The following ACSF3 variants were observed in gnomAD, a reference collection of about 807,000 sequenced individuals.
ACSF3 encodes the protein malonate--CoA ligase ACSF3, mitochondrial.
Under a neutral mutation model 53.2 loss-of-function variants are expected in ACSF3, and 78 were observed. The ratio of observed to expected loss-of-function variants is 1.47; its 90% CI spans 1.22 to 1.77. ACSF3 has a LOEUF of 1.77. Ranked by LOEUF, ACSF3 falls within the 40% of genes most tolerant of loss-of-function variation. The pLI, the probability that ACSF3 is intolerant of heterozygous loss-of-function variation, is 0.00. For missense variants in ACSF3, 937 were observed against 771.1 expected (o/e 1.22, Z -2.55); for synonymous variants, 414 against 333.1 (o/e 1.24, Z -2.65).
intron 7 of ACSF3, among the ~76,000 whole-genome samples, chr16:89,131,494 T>C (rs1479133976): frequency 1.3e-5 from 2 of 152,204 alleles, no homozygotes; most frequent in East Asian, 3.8e-4. Flanking sequence ...TTTTTCTATA[T>C]GAGTTGCTAT....
At chr16:89,116,555 C>T (rs1440372645) in intron 6 of ACSF3, among the ~76,000 whole-genome samples, 1 of 152,278 alleles carries the variant, frequency 6.6e-6, no homozygotes, top group East Asian at 1.9e-4. Flanking sequence ...TTGGCTGGGG[C>T]ATCCTGAGCA....
At chr16:89,136,231 G>T (rs1043181941) in intron 8 of ACSF3, among the ~76,000 whole-genome samples, 6 of 152,242 alleles carry the variant, frequency 3.9e-5, no homozygotes, top group African/African-American at 1.4e-4. Context: ...GGAAACACTC[G>T]CAGTCGCCAG....
intron 10 of ACSF3, chr16:89,147,460 T>G (rs184576249): frequency 3.6e-5 from 2 of 54,932 alleles, no homozygotes; most frequent in Non-Finnish European, 6.6e-5. Flanking sequence ...GGTCACAGAG[T>G]GAGTGAGGGA....
At chr16:89,107,569 T>C (rs1440102065) in intron 4 of ACSF3, among the ~76,000 whole-genome samples, 1 of 152,256 alleles carries the variant, frequency 6.6e-6, no homozygotes, top group African/African-American at 2.4e-5. Context: ...TTTACGTTGC[T>C]GTGTTGTATT....
chr16:89,102,575 G>C (rs1199388899), intron 3 of ACSF3, 29 bp from the exon 4 acceptor site: 2 of 1,612,458 alleles, frequency 1.2e-6, no homozygotes, highest in African/African-American at 2.7e-5. Context: ...TCTTGCTCTT[G>C]CTCTCAGCTG....
intron 2 of ACSF3, among the ~76,000 whole-genome samples, chr16:89,099,289 G>T (rs1974985585): frequency 6.6e-6 from 1 of 152,248 alleles, no homozygotes; most frequent in Non-Finnish European, 1.5e-5. Flanking sequence ...CCCACAGGCG[G>T]AGGCACCCTG....
intron 8 of ACSF3, among the ~76,000 whole-genome samples, chr16:89,134,406 C>T (rs539402629): frequency 2.0e-5 from 3 of 152,240 alleles, no homozygotes; most frequent in East Asian, 1.9e-4. Flanking sequence ...TTAGGCCAGT[C>T]GGGAGTGGCA....
chr16:89,137,383 G>C (rs535849729), intron 8 of ACSF3, among the ~76,000 whole-genome samples: 2 of 147,830 alleles, frequency 1.4e-5, no homozygotes, highest in African/African-American at 5.0e-5. Flanking sequence ...GGATTGAGGG[G>C]AAGAGCCCCA....
intron 6 of ACSF3, among the ~76,000 whole-genome samples, chr16:89,117,997 AGCCCACAGCAGG>A (rs1905554997): frequency 1.9e-5 from 2 of 106,586 alleles, no homozygotes; most frequent in African/African-American, 3.7e-5. Flanking sequence ...TCTAAGGCAG[AGCCCACAGCAGG>A]TTCCCTCAGG....
intron 5 of ACSF3, 32 bp from the exon 6 acceptor site, chr16:89,114,307 G>T (rs1411028567): frequency 6.2e-7 from 1 of 1,613,238 alleles, no homozygotes; most frequent in African/African-American, 1.3e-5. Context: ...ACGTCCCAAG[G>T]GGCTAAACCT....
In ACSF3 at chr16:89,128,480, G is replaced by C. The variant is rs190651554; in HGVS notation, c.1240-4656G>C. Among the ~76,000 whole-genome samples the C allele has an allele frequency of 3.8e-3, 583 of 151,948 alleles. 2 individuals are homozygous for C. The highest frequency in any genetic ancestry group is 0.024 in the South Asian group (117 of 4,818). Reference sequence around the variant, plus strand: ...TCACCATGTTGGTCAGGCTGGTTTCGAACTCCTGACCTCAAGTGATCCACC... The same window carrying C: ...TCACCATGTTGGTCAGGCTGGTTTCCAACTCCTGACCTCAAGTGATCCACC... On this transcript the variant is annotated intron_variant, in intron 7 of 10. Coordinates refer to ENST00000614302, the MANE Select transcript of ACSF3 (RefSeq NM_001243279.3).
intron 6 of ACSF3, among the ~76,000 whole-genome samples, chr16:89,120,108 G>T (rs1441431852): frequency 6.6e-6 from 1 of 152,266 alleles, no homozygotes; most frequent in Non-Finnish European, 1.5e-5. Context: ...GAGCGAGGCT[G>T]CGGCAGCCCT....
At chr16:89,145,485 T>C in intron 9 of ACSF3, 84 bp downstream of exon 9, 2 of 1,523,974 alleles carry the variant, frequency 1.3e-6, no homozygotes, top group Non-Finnish European at 1.8e-6. Flanking sequence ...TGCAGATGAG[T>C]CGACGCCGTC....
chr16:89,145,038 C>T, intron 8 of ACSF3: 3 of 1,208,332 alleles, frequency 2.5e-6, no homozygotes, highest in Admixed American at 2.0e-5. Flanking sequence ...GCAGACCCCA[C>T]ATCATGGGCA....
rs950920183 is a variant in ACSF3 at position 89,136,951 on chromosome 16, C to T, written c.1366+3689C>T. On this transcript the variant is annotated intron_variant, in intron 8 of 10. Transcript: ENST00000614302. Reference sequence around the variant, plus strand: ...GGTCTGTCTCAGGTAACTCCTCTGACGGCCACAATGATCTCTGCAGATGCT... The same window carrying T: ...GGTCTGTCTCAGGTAACTCCTCTGATGGCCACAATGATCTCTGCAGATGCT... 18 of 1,108,256 alleles carry T rather than the reference C, an allele frequency of 1.6e-5. No homozygotes were observed. In the East Asian group the frequency reaches 1.8e-4, roughly 11 times the overall value. The allele number at this position is 1,108,256 out of a possible 1,614,324, so 68.7% of individuals were successfully genotyped here.
At chr16:89,151,944 C>T (rs1054876682) in intron 10 of ACSF3, 1 of 152,206 alleles carries the variant, frequency 6.6e-6, no homozygotes, top group African/African-American at 2.4e-5. Flanking sequence ...CATATCATTT[C>T]AATAGATACA....
In ACSF3 at chr16:89,100,901, C is replaced by G; in HGVS notation, c.220C>G (p.Arg74Gly). 6.2e-7 allele frequency: 1 copy of G among 1,613,868 alleles called. No homozygotes were observed. Residue 74 changes from arginine to glycine, a missense_variant, in exon 3 of 11, where the codon CGC (arginine) becomes GGC (glycine). Coordinates refer to ENST00000614302, the MANE Select transcript of ACSF3 (RefSeq NM_001243279.3). ...CCACACGTACAGGGAGCTTTATTCC[C>G]GCAGCCTTCGCCTGTCCCAGGAGAT... ...GRHTYRELYS[R>G]SLRLSQEICR...
intron 8 of ACSF3, among the ~76,000 whole-genome samples, chr16:89,141,682 A>G (rs570010845): frequency 6.6e-6 from 1 of 152,260 alleles, no homozygotes; most frequent in East Asian, 1.9e-4. Flanking sequence ...CCCTGGAAGG[A>G]GCTCCAGGCA....
intron 8 of ACSF3, chr16:89,141,013 T>C: frequency 8.2e-7 from 1 of 1,214,156 alleles, no homozygotes; most frequent in South Asian, 1.4e-5. Context: ...TTTTGATAAA[T>C]AGGTTGTTAT....
Sources: allele counts gnomAD v4.1 joint callset (sites outside exome capture counted in the v4.1 genomes callset), GRCh38; gene constraint gnomAD v4.1.1; transcripts MANE v1.5; gene names NCBI Gene and HGNC (gene_info 2026-07-23, HGNC 2026-07-21).